CCBE1: variants seen among roughly 807,000 people sequenced by gnomAD.
CCBE1 encodes collagen and calcium binding EGF domains 1.
In CCBE1, 37 loss-of-function variants were observed where a neutral mutation model predicts 50.0. The observed-to-expected ratio is 0.74, with a 90% CI of 0.57 to 0.97. The LOEUF (loss-of-function observed/expected upper bound fraction) is 0.97. Ranked by LOEUF, CCBE1 falls within the 50% of genes least tolerant of loss-of-function variation. The pLI is 0.00. For synonymous variants in CCBE1, 234 were observed against 203.7 expected (o/e 1.15, Z -1.27); for missense variants, 538 against 523.8 (o/e 1.03, Z -0.26).
intron 9 of CCBE1, 133 bp downstream of exon 9, chr18:59,439,410 T>G (rs1568138821): frequency 2.7e-6 from 3 of 1,108,782 alleles, no homozygotes; most frequent in Non-Finnish European, 4.1e-6. Context: ...GAGGCTGTAA[T>G]GAGCCAAGAT....
At chr18:59,452,572 G>A (rs1043127393) in intron 6 of CCBE1, among the ~76,000 whole-genome samples, 1 of 152,142 alleles carries the variant, frequency 6.6e-6, no homozygotes, top group African/African-American at 2.4e-5. Context: ...CAGCCTGGGC[G>A]ACAGAGCGAG....
chr18:59,492,038 G>A lies in CCBE1; in HGVS notation c.213-11800C>T, dbSNP rs150896872. Reference sequence around the variant, plus strand: ...CATGTGCCTATAATCCCAGCTACTCGGGAGACTGAGGCAGTACAATCATTT... The same window carrying A: ...CATGTGCCTATAATCCCAGCTACTCAGGAGACTGAGGCAGTACAATCATTT... On this transcript the variant is annotated intron_variant, in intron 2 of 10. Coordinates refer to ENST00000439986, the MANE Select transcript of CCBE1 (RefSeq NM_133459.4). 6.3e-3 allele frequency among the ~76,000 whole-genome samples: 947 copies of A among 150,950 alleles called. 9 individuals are homozygous for A. The highest frequency in any genetic ancestry group is 0.021 in the African/African-American group (857 of 41,088).
At chr18:59,512,888 G>C (rs1914194414) in intron 2 of CCBE1, among the ~76,000 whole-genome samples, 1 of 152,162 alleles carries the variant, frequency 6.6e-6, no homozygotes, top group Admixed American at 6.5e-5. Flanking sequence ...AGCCCATCCT[G>C]CACCCACAGC....
chr18:59,593,142 G>A lies in CCBE1; in HGVS notation c.212+103487C>T, dbSNP rs113245716. On this transcript the variant is annotated intron_variant, in intron 2 of 10. Transcript: ENST00000439986. Reference sequence around the variant, plus strand: ...GTTATATTTATTGTCCTGGGTGGTGGCCACAAAAGCATGTGACTTATACTA... The same window carrying A: ...GTTATATTTATTGTCCTGGGTGGTGACCACAAAAGCATGTGACTTATACTA... 2.4e-4 allele frequency among the ~76,000 whole-genome samples: 37 copies of A among 152,216 alleles called. 1 individual carries two copies. Among genetic ancestry groups the A allele is most frequent in the African/African-American group, 8.7e-4 (36 of 41,540 alleles).
At chr18:59,460,799 G>A (rs1204050798) in intron 5 of CCBE1, among the ~76,000 whole-genome samples, 3 of 152,096 alleles carry the variant, frequency 2.0e-5, no homozygotes, top group Non-Finnish European at 2.9e-5. Context: ...GCTGGGCATG[G>A]TGGCGCACGT....
intron 2 of CCBE1, among the ~76,000 whole-genome samples, chr18:59,623,700 G>A (rs1436684940): frequency 3.3e-5 from 5 of 152,178 alleles, no homozygotes; most frequent in Non-Finnish European, 7.4e-5. Flanking sequence ...GCCGGGGGCT[G>A]AGGGGAGAAC....
chr18:59,638,773 C>T (rs1362524802), intron 2 of CCBE1, among the ~76,000 whole-genome samples: 1 of 152,104 alleles, frequency 6.6e-6, no homozygotes, highest in East Asian at 1.9e-4. Flanking sequence ...ACAACAAATA[C>T]AACTTTAAAA....
At chr18:59,558,095 G>A (rs1341280503) in intron 2 of CCBE1, among the ~76,000 whole-genome samples, 1 of 152,188 alleles carries the variant, frequency 6.6e-6, no homozygotes, top group East Asian at 1.9e-4. Context: ...TCCTTTCTAA[G>A]GGATTGTCAA....
chr18:59,607,638 G>A (rs1190630412), intron 2 of CCBE1, among the ~76,000 whole-genome samples: 1 of 152,162 alleles, frequency 6.6e-6, no homozygotes, highest in East Asian at 1.9e-4. Context: ...CTGTCCTAGG[G>A]CACCTCGCTG....
At chr18:59,475,201 G>C (rs568686483) in intron 3 of CCBE1, among the ~76,000 whole-genome samples, 2 of 152,092 alleles carry the variant, frequency 1.3e-5, no homozygotes, top group Non-Finnish European at 2.9e-5. Context: ...CAGACCTTCA[G>C]AAACTCCCTT....
chr18:59,450,827 GC>G (rs1910896926), intron 6 of CCBE1, among the ~76,000 whole-genome samples: 1 of 152,300 alleles, frequency 6.6e-6, no homozygotes, highest in East Asian at 1.9e-4. Context: ...GAGCCACTGC[GC>G]CCGGCCTACA....
At chr18:59,635,514 G>A (rs542061774) in intron 2 of CCBE1, among the ~76,000 whole-genome samples, 1 of 151,530 alleles carries the variant, frequency 6.6e-6, no homozygotes, top group Admixed American at 6.6e-5. Context: ...TCCGGGAATT[G>A]GAATAAAGAT....
At chr18:59,547,082 A>AGGGAAAGAGGG (rs11280803) in intron 2 of CCBE1, among the ~76,000 whole-genome samples, 1 of 82,712 alleles carries the variant, frequency 1.2e-5, no homozygotes, top group African/African-American at 4.9e-5. Flanking sequence ...GGGGAGAGAA[A>AGGGAAAGAGGG]GGGAGAGAGA....
intron 2 of CCBE1, among the ~76,000 whole-genome samples, chr18:59,504,085 G>A (rs981159034): frequency 3.9e-5 from 6 of 152,176 alleles, no homozygotes; most frequent in African/African-American, 1.4e-4. Flanking sequence ...CTCACTGCCT[G>A]AGTGAACAGA....
At chr18:59,657,883 A>T (rs570286815) in intron 2 of CCBE1, among the ~76,000 whole-genome samples, 1 of 150,524 alleles carries the variant, frequency 6.6e-6, no homozygotes, top group South Asian at 2.1e-4. Flanking sequence ...AACAACAAAC[A>T]ACAACAAACA....
intron 2 of CCBE1, among the ~76,000 whole-genome samples, chr18:59,570,020 G>C (rs1304054279): frequency 6.6e-6 from 1 of 152,148 alleles, no homozygotes; most frequent in Non-Finnish European, 1.5e-5. Flanking sequence ...AATATCAAAG[G>C]CATTTTCTAC....
intron 2 of CCBE1, among the ~76,000 whole-genome samples, chr18:59,513,370 G>A (rs746224021): frequency 1.4e-4 from 22 of 152,254 alleles, no homozygotes; most frequent in South Asian, 4.2e-4. Context: ...AAGAATTAGC[G>A]GGAAAGTAAT....
chr18:59,595,173 A>G (rs2144546197), intron 2 of CCBE1, among the ~76,000 whole-genome samples: 1 of 150,480 alleles, frequency 6.6e-6, no homozygotes, highest in Non-Finnish European at 1.5e-5. Flanking sequence ...TTGAAGTTGG[A>G]ACCTCAGACT....
At chr18:59,602,001 A>T (rs114423447) in intron 2 of CCBE1, among the ~76,000 whole-genome samples, 1 of 152,296 alleles carries the variant, frequency 6.6e-6, no homozygotes, top group African/African-American at 2.4e-5. Flanking sequence ...TGAAACATTT[A>T]AAAATAGACA....
Sources: allele counts gnomAD v4.1 joint callset (sites outside exome capture counted in the v4.1 genomes callset), GRCh38; gene constraint gnomAD v4.1.1; transcripts MANE v1.5; gene names NCBI Gene and HGNC (gene_info 2026-07-23, HGNC 2026-07-21).